The following AGTPBP1 variants were observed in gnomAD, a reference collection of about 807,000 sequenced individuals.
The protein encoded by AGTPBP1 is ATP/GTP binding carboxypeptidase 1.
In AGTPBP1, 70 loss-of-function variants were observed where a neutral mutation model predicts 143.9. The observed-to-expected ratio is 0.49, with a 90% CI of 0.40 to 0.59. AGTPBP1 has a LOEUF of 0.59. Among genes scored for constraint, AGTPBP1 ranks in the 20% least tolerant of loss-of-function variants. The pLI is 0.00. For synonymous variants in AGTPBP1, 463 were observed against 500.2 expected (o/e 0.93, Z 0.99); for missense variants, 1,229 against 1,464.5 (o/e 0.84, Z 2.62).
intron 8 of AGTPBP1, among the ~76,000 whole-genome samples, chr9:85,666,568 A>C (rs1331160195): frequency 6.6e-6 from 1 of 152,116 alleles, no homozygotes; most frequent in Non-Finnish European, 1.5e-5. Flanking sequence ...TTAAAGTAGA[A>C]ATAGAAAAAT....
At chr9:85,615,225 G>T (rs953032239) in intron 17 of AGTPBP1, among the ~76,000 whole-genome samples, 1 of 151,974 alleles carries the variant, frequency 6.6e-6, no homozygotes, top group Non-Finnish European at 1.5e-5. Flanking sequence ...CTTCAAAAAG[G>T]CTGAACTAAT....
chr9:85,582,900 GTTACT>G (rs1288311540), intron 23 of AGTPBP1, among the ~76,000 whole-genome samples: 1 of 152,100 alleles, frequency 6.6e-6, no homozygotes, highest in Non-Finnish European at 1.5e-5. Context: ...ATCTAGGAAT[GTTACT>G]TTACATGGCA....
chr9:85,657,703 T>C (rs1233754838), intron 9 of AGTPBP1, 60 bp from the exon 10 acceptor site: 1 of 1,241,088 alleles, frequency 8.1e-7, no homozygotes, highest in Non-Finnish European at 1.1e-6. Flanking sequence ...AGTGGTAGAA[T>C]AATCAAATTT....
At chr9:85,627,125 C>G (rs1831350890) in intron 14 of AGTPBP1, among the ~76,000 whole-genome samples, 1 of 152,198 alleles carries the variant, frequency 6.6e-6, no homozygotes, top group African/African-American at 2.4e-5. Context: ...AGCTGTACTA[C>G]ATGTGACACA....
At chr9:85,751,656 C>T in the AGTPBP1 span, among the ~76,000 whole-genome samples, 1 of 152,082 alleles carries the variant, frequency 6.6e-6, no homozygotes, top group African/African-American at 2.4e-5. Flanking sequence ...ACTCTGTCAC[C>T]TAGGCTGGAG....
Position 85,546,906 on chromosome 9 carries a change from T to G in AGTPBP1, c.*203A>C, listed in dbSNP as rs1384145717. The G allele has an allele frequency of 6.7e-6, 3 of 449,658 alleles. No homozygotes were observed. Among genetic ancestry groups the G allele is most frequent in the Non-Finnish European group, 1.2e-5 (3 of 260,162 alleles). The allele number at this position is 449,658 out of a possible 1,614,324, so 27.9% of individuals were successfully genotyped here. A position where few individuals can be genotyped will look rare whatever the true frequency, so the allele number is the denominator to read the frequency against. On this transcript the variant is annotated 3_prime_UTR_variant, in exon 26 of 26. Transcript: ENST00000357081. ...TTTGATCATTCAATGCTACATAAAGTGCATTGAATATCGAAAATAAAACAA... is the reference window on the plus strand; with the variant it reads ...TTTGATCATTCAATGCTACATAAAGGGCATTGAATATCGAAAATAAAACAA...
At chr9:85,614,093 C>A (rs1049901759) in intron 17 of AGTPBP1, among the ~76,000 whole-genome samples, 2 of 151,782 alleles carry the variant, frequency 1.3e-5, no homozygotes, top group African/African-American at 4.8e-5. Context: ...AAATATGTAT[C>A]TCAAAACAAG....
In AGTPBP1 at chr9:85,712,487, T is replaced by C. The variant is rs1464576187; in HGVS notation, c.32+15A>G. On this transcript the variant is annotated intron_variant, in intron 2 of 25. Transcript: ENST00000357081. ...TTCTGTAACTTATGCATACTGATAT[T>C]CAGAATTACAGTACCTTTTTTCTGG... 1 of 1,434,336 alleles carries C rather than the reference T, an allele frequency of 7.0e-7. No homozygotes were observed. The highest frequency in any genetic ancestry group is 9.5e-7 in the Non-Finnish European group (1 of 1,054,970). 88.9% of individuals were successfully genotyped at this position (1,434,336 alleles called of 1,614,324 possible).
intron 1 of AGTPBP1, among the ~76,000 whole-genome samples, chr9:85,731,780 T>C (rs1698463946): frequency 6.6e-6 from 1 of 152,184 alleles, no homozygotes; most frequent in African/African-American, 2.4e-5. Flanking sequence ...AGTCCAATCT[T>C]CAAACAGGAA....
At chr9:85,768,094 A>G in the AGTPBP1 span, among the ~76,000 whole-genome samples, 988 of 152,204 alleles carry the variant, frequency 6.5e-3, 15 homozygotes, top group African/African-American at 0.023. Context: ...TATCTTGTCA[A>G]CCTACACCTA....
chr9:85,546,929 C>A lies in AGTPBP1; in HGVS notation c.*180G>T. 2.0e-6 allele frequency: 1 copy of A among 504,672 alleles called. No individual in the cohort carries two copies. The highest frequency in any genetic ancestry group is 3.2e-6 in the Non-Finnish European group (1 of 307,722). The allele number at this position is 504,672 out of a possible 1,614,324, so 31.3% of individuals were successfully genotyped here. A position where few individuals can be genotyped will look rare whatever the true frequency, so the allele number is the denominator to read the frequency against. Reference sequence around the variant, plus strand: ...AGTGCATTGAATATCGAAAATAAAACAAGCGCCAATTTTATCATTAATTAA... The same window carrying A: ...AGTGCATTGAATATCGAAAATAAAAAAAGCGCCAATTTTATCATTAATTAA... On this transcript the variant is annotated 3_prime_UTR_variant, in exon 26 of 26. Transcript: ENST00000357081.
chr9:85,743,870 C>T (rs1003922078), upstream of AGTPBP1, among the ~76,000 whole-genome samples: 1 of 152,064 alleles, frequency 6.6e-6, no homozygotes, highest in African/African-American at 2.4e-5. Flanking sequence ...GAACCTCAGC[C>T]TCCAAAAGGT....
intron 1 of AGTPBP1, chr9:85,741,273 C>T (rs939805293): frequency 4.1e-6 from 4 of 985,334 alleles, no homozygotes; most frequent in South Asian, 9.4e-5. Flanking sequence ...CAAATCCCAC[C>T]TTGCTGGCGC....
At chr9:85,554,668 G>C (rs548168014) in intron 25 of AGTPBP1, among the ~76,000 whole-genome samples, 143 of 152,270 alleles carry the variant, frequency 9.4e-4, no homozygotes, top group African/African-American at 3.2e-3. Flanking sequence ...AAGATATCTA[G>C]AGCCTCTGAA....
chr9:85,568,240 T>C (rs530175074), intron 25 of AGTPBP1, among the ~76,000 whole-genome samples: 41 of 152,362 alleles, frequency 2.7e-4, no homozygotes, highest in African/African-American at 9.6e-4. Flanking sequence ...ACAGAAATTA[T>C]AGGTCTGGTG....
At chr9:85,600,901 A>T (rs1390873999) in intron 17 of AGTPBP1, among the ~76,000 whole-genome samples, 2 of 152,182 alleles carry the variant, frequency 1.3e-5, no homozygotes, top group Non-Finnish European at 2.9e-5. Flanking sequence ...AGTCACTGGC[A>T]GAGACCCCAC....
In AGTPBP1 at chr9:85,581,828, C is replaced by T. The variant is rs181145947; in HGVS notation, c.3166-2732G>A. On this transcript the variant is annotated intron_variant, in intron 23 of 25. Transcript: ENST00000357081. ...CATGATTTAACTTCAATAAAAAAAT[C>T]CATTATGTTCCAAATTCCAAAATTT... is the stretch of plus-strand genomic sequence containing the variant. 5.1e-3 allele frequency among the ~76,000 whole-genome samples: 781 copies of T among 152,220 alleles called. 10 individuals are homozygous for T. The highest frequency in any genetic ancestry group is 9.2e-3 in the Admixed American group (141 of 15,296).
chr9:85,608,535 T>C (rs1485249370), intron 17 of AGTPBP1, among the ~76,000 whole-genome samples: 1 of 152,156 alleles, frequency 6.6e-6, no homozygotes, highest in African/African-American at 2.4e-5. Flanking sequence ...GATATATTCT[T>C]TATTATCTTC....
chr9:85,650,546 T>C (rs1833100760), intron 11 of AGTPBP1, among the ~76,000 whole-genome samples: 1 of 152,202 alleles, frequency 6.6e-6, no homozygotes, highest in African/African-American at 2.4e-5. Context: ...ATGTTATCAG[T>C]AAGGTTTCTG....
Sources: gnomAD v4.1 joint callset for allele counts (sites outside exome capture counted in the v4.1 genomes callset) on GRCh38, gnomAD v4.1.1 for gene constraint, MANE v1.5 for transcripts, NCBI Gene and HGNC (gene_info 2026-07-23, HGNC 2026-07-21) for gene names.